The following GNA14 variants were observed in gnomAD, a reference collection of about 807,000 sequenced individuals.
GNA14 encodes G protein subunit alpha 14, also known as guanine nucleotide-binding protein subunit alpha-14.
Under a neutral mutation model 42.0 loss-of-function variants are expected in GNA14, and 50 were observed. The ratio of observed to expected loss-of-function variants is 1.19; its 90% CI spans 0.95 to 1.51. The LOEUF (loss-of-function observed/expected upper bound fraction) is 1.51. Ranked by LOEUF, GNA14 falls within the 40% of genes most tolerant of loss-of-function variation. The pLI is 0.00. For synonymous variants in GNA14, 173 were observed against 163.1 expected, an observed-to-expected ratio of 1.06 and a Z score of -0.46; for missense variants, 473 against 446.2, an observed-to-expected ratio of 1.06 and a Z score of -0.54.
At chr9:77,460,765 T>C (rs62571501) in intron 2 of GNA14, among the ~76,000 whole-genome samples, 1 of 152,104 alleles carries the variant, frequency 6.6e-6, no homozygotes, top group Non-Finnish European at 1.5e-5. Context: ...ATGGAAAGGG[T>C]GTGCCCAAGA....
intron 1 of GNA14, among the ~76,000 whole-genome samples, chr9:77,535,436 C>T (rs1422343331): frequency 6.6e-6 from 1 of 151,986 alleles, no homozygotes; most frequent in Non-Finnish European, 1.5e-5. Flanking sequence ...CCCAGCTACT[C>T]GTGAGGCTGA....
chr9:77,546,215 C>CA (rs764378681), intron 1 of GNA14, among the ~76,000 whole-genome samples: 8,323 of 41,914 alleles, frequency 0.2, 903 homozygotes, highest in African/African-American at 0.23. Context: ...AGCTCCATCT[C>CA]AAAAAAAAAA....
chr9:77,590,010 A>G (rs1265293503), intron 1 of GNA14, among the ~76,000 whole-genome samples: 4 of 152,026 alleles, frequency 2.6e-5, no homozygotes, highest in Non-Finnish European at 5.9e-5. Context: ...TCGGCCTCCC[A>G]GGTTCAAGTG....
At chr9:77,601,746 G>A (rs1161171315) in intron 1 of GNA14, among the ~76,000 whole-genome samples, 4 of 152,138 alleles carry the variant, frequency 2.6e-5, no homozygotes, top group South Asian at 2.1e-4. Flanking sequence ...CATAGGTCCC[G>A]GGCAGTGGGC....
At chr9:77,452,652 G>A (rs1283855645) in intron 2 of GNA14, among the ~76,000 whole-genome samples, 1 of 149,576 alleles carries the variant, frequency 6.7e-6, no homozygotes, top group Non-Finnish European at 1.5e-5. Flanking sequence ...GTTTGTGTTT[G>A]TGTGTGTGTC....
chr9:77,465,898 G>T (rs192479367), intron 2 of GNA14, among the ~76,000 whole-genome samples: 31 of 152,264 alleles, frequency 2.0e-4, no homozygotes, highest in Admixed American at 2.0e-3. Context: ...TGTGCCACCA[G>T]GCTGGGTAAT....
chr9:77,532,333 G>A (rs2131770681), intron 1 of GNA14, among the ~76,000 whole-genome samples: 1 of 152,274 alleles, frequency 6.6e-6, no homozygotes, highest in African/African-American at 2.4e-5. Flanking sequence ...CAGCTTACGT[G>A]CAGTCTTCAC....
chr9:77,514,110 A>T (rs938388420), intron 2 of GNA14, among the ~76,000 whole-genome samples: 4 of 152,102 alleles, frequency 2.6e-5, no homozygotes, highest in African/African-American at 9.7e-5. Flanking sequence ...AGCTTCCCAA[A>T]CTAAGTTTAG....
intron 1 of GNA14, among the ~76,000 whole-genome samples, chr9:77,564,564 C>A (rs1026828327): frequency 6.6e-6 from 1 of 151,760 alleles, no homozygotes; most frequent in Admixed American, 6.6e-5. Flanking sequence ...CATGGTGGCT[C>A]ATGCTTGGAG....
At chr9:77,431,293 T>G in intron 4 of GNA14, 28 bp downstream of exon 4, 2 of 1,607,266 alleles carry the variant, frequency 1.2e-6, no homozygotes, top group Non-Finnish European at 1.7e-6. Flanking sequence ...GGCAGATTCT[T>G]CATGGTACAT....
chr9:77,429,140 G>A (rs2296781), intron 4 of GNA14, 104 bp from the exon 5 acceptor site: 447,741 of 1,063,422 alleles, frequency 0.42, 96,580 homozygotes, highest in African/African-American at 0.45. Flanking sequence ...GGAGTCCTCA[G>A]TAATTTCTAA....
chr9:77,642,576 G>A (rs969524602), intron 1 of GNA14, among the ~76,000 whole-genome samples: 6 of 152,026 alleles, frequency 3.9e-5, no homozygotes, highest in Admixed American at 2.6e-4. Context: ...GACCAGCCTG[G>A]CCAACATGGT....
chr9:77,472,788 A>C (rs1587783086), intron 2 of GNA14, among the ~76,000 whole-genome samples: 1 of 142,096 alleles, frequency 7.0e-6, no homozygotes, highest in African/African-American at 2.6e-5. Context: ...ACATGACATG[A>C]TCTCTCTCTC....
intron 2 of GNA14, among the ~76,000 whole-genome samples, chr9:77,478,343 CA>C (rs1836471742): frequency 1.3e-5 from 2 of 152,156 alleles, no homozygotes; most frequent in South Asian, 4.1e-4. Context: ...CATGTCCCTA[CA>C]AAGGACATGA....
chr9:77,545,529 C>A (rs530783897), intron 1 of GNA14, among the ~76,000 whole-genome samples: 22 of 152,086 alleles, frequency 1.4e-4, no homozygotes, highest in Non-Finnish European at 2.6e-4. Context: ...TTTATGAATG[C>A]GTGGTCAAAG....
intron 2 of GNA14, among the ~76,000 whole-genome samples, chr9:77,461,723 T>G (rs1368755785): frequency 6.6e-6 from 1 of 150,596 alleles, no homozygotes; most frequent in Non-Finnish European, 1.5e-5. Flanking sequence ...ATGCTTCTCT[T>G]AAATCAGCAT....
At chr9:77,512,120 C>T (rs546840121) in intron 2 of GNA14, among the ~76,000 whole-genome samples, 27 of 152,092 alleles carry the variant, frequency 1.8e-4, no homozygotes, top group African/African-American at 6.3e-4. Context: ...CCAGTGTTTC[C>T]TTCCAACCAT....
intron 2 of GNA14, among the ~76,000 whole-genome samples, chr9:77,508,117 A>G (rs1194349363): frequency 6.6e-6 from 1 of 152,036 alleles, no homozygotes; most frequent in Non-Finnish European, 1.5e-5. Context: ...CTCATTCTCT[A>G]TCATCCCCTC....
chr9:77,617,249 A>C (rs1187028640), intron 1 of GNA14, among the ~76,000 whole-genome samples: 5 of 152,124 alleles, frequency 3.3e-5, no homozygotes. Context: ...GTCTAAAAAC[A>C]GAACTGTTTG....
Sources: gnomAD v4.1 joint callset for allele counts (sites outside exome capture counted in the v4.1 genomes callset) on GRCh38, gnomAD v4.1.1 for gene constraint, MANE v1.5 for transcripts, NCBI Gene and HGNC (gene_info 2026-07-23, HGNC 2026-07-21) for gene names.